Variants in CSPG4 observed in about 807,000 individuals in gnomAD.
CSPG4 encodes the protein chondroitin sulfate proteoglycan 4 (melanoma-associated).
Under a neutral mutation model 139.3 loss-of-function variants are expected in CSPG4, and 74 were observed. That is an observed-to-expected ratio of 0.53 (90% CI 0.44 to 0.64). CSPG4 has a LOEUF of 0.64. Ranked by LOEUF, CSPG4 falls within the 30% of genes least tolerant of loss-of-function variation. CSPG4 has a pLI of 0.00. For missense variants in CSPG4, 2,565 were observed against 3,148.3 expected, an observed-to-expected ratio of 0.81 and a Z score of 4.43; for synonymous variants, 1,234 against 1,394.2, an observed-to-expected ratio of 0.89 and a Z score of 2.56.
At chr15:75,712,876 A>C (rs1269983749), upstream of CSPG4, 9 of 774,294 alleles carry the variant, frequency 1.2e-5, no homozygotes, top group Admixed American at 3.5e-5. Context: ...CCGCGCACTT[A>C]ACTCCGGGGG....
chr15:75,677,078 C>G lies in CSPG4; in HGVS notation c.5441G>C (p.Gly1814Ala), dbSNP rs757408524. The change falls in exon 10 of 10, where the codon GGA becomes GCA. Residue 1814 changes from glycine (G) to alanine (A), a missense_variant. Gly to Ala is a moderately conservative substitution (Grantham distance 60). This residue lies in a region of CSPG4 where 2,316 missense variants were observed against 2,818.2 expected (regional missense o/e 0.82). Coordinates refer to ENST00000308508, the MANE Select transcript of CSPG4 (RefSeq NM_001897.5). ...LQGPAGASVAGPQTSEAFAIT... is the reference protein window; with the variant it reads ...LQGPAGASVAAPQTSEAFAIT... Reference sequence around the variant, plus strand: ...GGCAAAGGCCTCTGAGGTTTGGGGTCCAGCCACGGAGGCCCCTGCTGGCCC... The same window carrying G: ...GGCAAAGGCCTCTGAGGTTTGGGGTGCAGCCACGGAGGCCCCTGCTGGCCC... The G allele has an allele frequency of 7.1e-7, 1 of 1,415,992 alleles. No individual in the cohort carries two copies. Among genetic ancestry groups the G allele is most frequent in the East Asian group, 2.6e-5 (1 of 38,118 alleles). The allele number at this position is 1,415,992 out of a possible 1,614,324, so 87.7% of individuals were successfully genotyped here. A position where few individuals can be genotyped will look rare whatever the true frequency, so the allele number is the denominator to read the frequency against.
intron 1 of CSPG4, among the ~76,000 whole-genome samples, chr15:75,707,979 C>G (rs2141441731): frequency 6.6e-6 from 1 of 151,674 alleles, no homozygotes; most frequent in South Asian, 2.1e-4. Context: ...AGCCCTCCCC[C>G]TAATCTCCTG....
At chr15:75,706,692 T>G in intron 1 of CSPG4, among the ~76,000 whole-genome samples, 1 of 152,184 alleles carries the variant, frequency 6.6e-6, no homozygotes, top group East Asian at 1.9e-4. Context: ...GAAGGCCTGT[T>G]GCATGGAGCA....
rs1243406222 is a variant in CSPG4 at position 75,687,684 on chromosome 15, G to C, written c.3381C>G (p.Leu1127=). The C allele has an allele frequency of 2.5e-6, 4 of 1,612,936 alleles. No individual in the cohort carries two copies. The highest frequency in any genetic ancestry group is 3.4e-6 in the Non-Finnish European group (4 of 1,179,978). ...LLEVQASEPY[L]RVANGSSLVV... ...CAAGGCTGGAGCCGTTGGCCACACG[G>C]AGGTAGGGTTCCGAGGCCTGCACCT... Residue 1127 remains leucine, a synonymous_variant, in exon 3 of 10, where the codon CTC becomes CTG. Transcript: ENST00000308508. This position sits in a 1 kb window ranked among gnomAD's most constrained non-coding sequence, Gnocchi z 5.4.
At chr15:75,705,200 TAGCCAC>T (rs1436371653) in intron 1 of CSPG4, among the ~76,000 whole-genome samples, 3 of 152,138 alleles carry the variant, frequency 2.0e-5, no homozygotes, top group African/African-American at 4.8e-5. Flanking sequence ...TCAGCCCAGT[TAGCCAC>T]AGAGATGCAG....
rs907007937 is a variant in CSPG4, at chr15:75,674,917, C to T, written c.*633G>A. On this transcript the variant is annotated 3_prime_UTR_variant, in exon 10 of 10. Transcript: ENST00000308508. ...GTTAAATAGCTTCCTTGCAATCTCCCTTAAATAAACCCATCCCCAGAGCAA... is the reference window on the plus strand; with the variant it reads ...GTTAAATAGCTTCCTTGCAATCTCCTTTAAATAAACCCATCCCCAGAGCAA... The T allele has an allele frequency of 1.3e-5, 5 of 398,064 alleles. No individual in the cohort carries two copies. The highest frequency in any genetic ancestry group is 1.0e-4 in the African/African-American group (5 of 48,616). The allele number at this position is 398,064 out of a possible 1,614,324, so 24.7% of individuals were successfully genotyped here.
Position 75,675,919 on chromosome 15 carries a change from G to A in CSPG4, c.6600C>T (p.Pro2200=), listed in dbSNP as rs1457466344. The stretch of plus-strand genomic sequence containing the variant: ...CAGCGGGCTCAGGGCTGGATGCCAT[G>A]GGGCCTGGCTCGCCTGTGGGGGTGC... The part of the protein sequence containing the change: ...ESSTPTGEPG[P]MASSPEPAVA... Residue 2200 remains proline (P), a synonymous_variant, in exon 10 of 10, where the codon CCC becomes CCT. Transcript: ENST00000308508. The A allele has an allele frequency of 6.2e-7, 1 of 1,601,002 alleles. No homozygotes were observed. The highest frequency in any genetic ancestry group is 1.3e-5 in the African/African-American group (1 of 75,034).
At chr15:75,707,656 G>C (rs550714211) in intron 1 of CSPG4, among the ~76,000 whole-genome samples, 1 of 152,366 alleles carries the variant, frequency 6.6e-6, no homozygotes, top group South Asian at 2.1e-4. Flanking sequence ...AGGGCCCTTA[G>C]TACCAATCTT....
In CSPG4 at chr15:75,676,849, G is replaced by A. The variant is rs1385853649; in HGVS notation, c.5670C>T (p.Pro1890=). ...FLSLVGGGLG[P]VTRFTQADVD... is the part of the protein sequence containing the mutation. The stretch of plus-strand genomic sequence containing the variant: ...CATCGGCTTGCGTGAAGCGGGTCAC[G>A]GGCCCCAGGCCACCACCCACCAGGC... Residue 1890 remains proline (P), a synonymous_variant, in exon 10 of 10, where the codon CCC becomes CCT. Transcript: ENST00000308508. 1.1e-5 allele frequency: 17 copies of A among 1,563,434 alleles called. No individual in the cohort carries two copies. Among genetic ancestry groups the A allele is most frequent in the Middle Eastern group, 1.8e-4 (1 of 5,638 alleles).
upstream of CSPG4, chr15:75,712,956 A>G (rs1596015966): frequency 3.7e-6 from 2 of 533,376 alleles, no homozygotes; most frequent in Admixed American, 3.9e-5. Context: ...CCCCACCCTC[A>G]ACCTTCTTAA....
Position 75,698,328 on chromosome 15 carries a change from G to T in CSPG4, c.89-5095C>A, listed in dbSNP as rs1041999554. 1.3e-5 allele frequency among the ~76,000 whole-genome samples: 2 copies of T among 151,688 alleles called. No individual in the cohort carries two copies. The highest frequency in any genetic ancestry group is 2.9e-5 in the Non-Finnish European group (2 of 67,894). ...CATAGGTGTGTATGTGGTGGGGCGG[G>T]GGGTGGTCGTGGCCCACCTGGGGGC... On this transcript the variant is annotated intron_variant, in intron 1 of 9. Coordinates refer to ENST00000308508, the MANE Select transcript of CSPG4 (RefSeq NM_001897.5). The surrounding 1 kb of genome is among the most constrained non-coding windows in gnomAD (Gnocchi z 4.3).
At position 75,687,773 on chromosome 15, in the gene CSPG4, C is replaced by T. The variant is rs1566973873; in HGVS notation, c.3292G>A (p.Ala1098Thr). 2 of 1,612,830 alleles carry T rather than the reference C, an allele frequency of 1.2e-6. No individual in the cohort carries two copies. The highest frequency in any genetic ancestry group is 8.5e-7 in the Non-Finnish European group (1 of 1,179,940). ...KRRVLFVHSG[A>T]DRGWIQLQVS... ...TGCAGCTGGATCCAGCCACGGTCAG[C>T]CCCTGAGTGCACGAACAGTACTCGC... Residue 1098 changes from alanine (A) to threonine (T), a missense_variant, in exon 3 of 10, where the codon GCT becomes ACT. Ala to Thr is a moderately conservative substitution (Grantham distance 58). This residue lies in a region of CSPG4 where 2,316 missense variants were observed against 2,818.2 expected (regional missense o/e 0.82). Transcript: ENST00000308508. This position sits in a 1 kb window ranked among gnomAD's most constrained non-coding sequence, Gnocchi z 5.4.
chr15:75,677,740 G>C lies in CSPG4; in HGVS notation c.5097C>G (p.Ala1699=), dbSNP rs1362832622. 6 of 1,608,576 alleles carry C rather than the reference G, an allele frequency of 3.7e-6. No homozygotes were observed. The highest frequency in any genetic ancestry group is 5.1e-6 in the Non-Finnish European group (6 of 1,177,788). ...AGAGGTGGCTGGGGCGCTGGGGACAGGCAGCCTCAAAAGACACAGCCACAG... is the reference window on the plus strand; with the variant it reads ...AGAGGTGGCTGGGGCGCTGGGGACACGCAGCCTCAAAAGACACAGCCACAG... The part of the protein sequence containing the change: ...TLAVAVSFEA[A]CPQRPSHLWK... Residue 1699 remains alanine, a synonymous_variant, in exon 9 of 10, where the codon GCC becomes GCG. Coordinates refer to ENST00000308508, the MANE Select transcript of CSPG4 (RefSeq NM_001897.5).
intron 8 of CSPG4, 111 bp from the exon 9 acceptor site, chr15:75,677,997 G>A (rs1056260178): frequency 2.1e-6 from 2 of 948,798 alleles, no homozygotes; most frequent in East Asian, 2.9e-5. Context: ...GTGTGCCCAG[G>A]TCTGTGCGTG....
Position 75,689,325 on chromosome 15 carries a change from G to A in CSPG4, c.1740C>T (p.Ala580=), listed in dbSNP as rs200971538. Residue 580 remains alanine, a synonymous_variant, in exon 3 of 10, where the codon GCC becomes GCT. Coordinates refer to ENST00000308508, the MANE Select transcript of CSPG4 (RefSeq NM_001897.5). ...CCTCACAGGCAGAGTCCGGGTCATA[G>A]GCCTGGAAAACCTCAGGCCCCAGCG... is the stretch of plus-strand genomic sequence containing the variant. The part of the protein sequence containing the change: ...QKPLGPEVFQ[A]YDPDSACEGL... The A allele has an allele frequency of 1.6e-5, 25 of 1,611,222 alleles. No individual in the cohort carries two copies. The highest frequency in any genetic ancestry group is 2.0e-5 in the Non-Finnish European group (24 of 1,179,856).
rs774610021 is a variant in CSPG4, at chr15:75,689,892, G to C, written c.1173C>G (p.Ala391=). 10 of 1,612,242 alleles carry C rather than the reference G, an allele frequency of 6.2e-6. No homozygotes were observed. The East Asian group carries it at 2.2e-4, about 36-fold the overall frequency. Reference sequence around the variant, plus strand: ...TGGAGAAAGCTTCATAATGTCCATAGGCATCGTCCTCATACTCCTCCTCCT... The same window carrying C: ...TGGAGAAAGCTTCATAATGTCCATACGCATCGTCCTCATACTCCTCCTCCT... The part of the protein sequence containing the change: ...RLEEEEYEDD[A]YGHYEAFSTL... Residue 391 remains alanine (A), a synonymous_variant, in exon 3 of 10, where the codon GCC becomes GCG. Transcript: ENST00000308508.
intron 1 of CSPG4, among the ~76,000 whole-genome samples, chr15:75,701,671 G>A (rs1323813334): frequency 6.6e-6 from 1 of 152,122 alleles, no homozygotes; most frequent in Non-Finnish European, 1.5e-5. Context: ...CTCTGCTAAT[G>A]CACCACGTCT....
Position 75,689,598 on chromosome 15 carries a change from C to T in CSPG4, c.1467G>A (p.Gln489=). The change falls in exon 3 of 10, where the codon CAG becomes CAA. Residue 489 remains glutamine (Q), a synonymous_variant. Coordinates refer to ENST00000308508, the MANE Select transcript of CSPG4 (RefSeq NM_001897.5). ...GELELDIPGA[Q]ARKMFTLLDV... ...CCAGGAGGGTGAACATTTTTCGTGC[C>T]TGGGCTCCCGGGATGTCCAGCTCGA... 1 of 1,612,794 alleles carries T rather than the reference C, an allele frequency of 6.2e-7. No homozygotes were observed. The highest frequency in any genetic ancestry group is 8.5e-7 in the Non-Finnish European group (1 of 1,179,828).
chr15:75,675,981 CG>C lies in CSPG4; in HGVS notation c.6537del (p.Glu2180ArgfsTer36). The C allele has an allele frequency of 6.3e-7, 1 of 1,577,798 alleles. No homozygotes were observed. ...RPYSVALLSV[P>X]EAARTEAGKP... ...TTCCCTGCTTCCGTCCGGGCGGCCT[CG>C]GGGACACTGAGCAGGGCCACGCTGT... On this transcript the variant is annotated frameshift_variant, in exon 10 of 10. Transcript: ENST00000308508. LOFTEE classifies it high-confidence loss of function.
Sources: allele counts gnomAD v4.1 joint callset (sites outside exome capture counted in the v4.1 genomes callset), GRCh38; gene constraint gnomAD v4.1.1; regional missense constraint gnomAD v4.1.1; non-coding constraint Gnocchi (gnomAD v3.1); transcripts MANE v1.5; gene names NCBI Gene and HGNC (gene_info 2026-07-23, HGNC 2026-07-21).